Variants in ITIH4 observed in about 807,000 individuals in gnomAD.
The protein encoded by ITIH4 is inter-alpha-trypsin inhibitor heavy chain 4.
In ITIH4, 79 loss-of-function variants were observed where a neutral mutation model predicts 111.8. The observed-to-expected ratio is 0.71, with a 90% CI of 0.59 to 0.85. ITIH4 has a LOEUF of 0.85. Ranked by LOEUF, ITIH4 falls within the 40% of genes least tolerant of loss-of-function variation. The pLI is 0.00. For missense variants in ITIH4, 1,065 were observed against 1,195.8 expected, an observed-to-expected ratio of 0.89 and a Z score of 1.61; for synonymous variants, 472 against 468.3, an observed-to-expected ratio of 1.01 and a Z score of -0.10.
chr3:52,815,979 C>T (rs1460805547), intron 21 of ITIH4, among the ~76,000 whole-genome samples: 2 of 152,218 alleles, frequency 1.3e-5, no homozygotes, highest in Non-Finnish European at 2.9e-5. Flanking sequence ...AGCCACCACA[C>T]CGGGCGTAGA....
At position 52,821,103 on chromosome 3, in the gene ITIH4, C is replaced by T. The variant is rs1314794167; in HGVS notation, c.1567G>A (p.Glu523Lys). The change falls in exon 12 of 24, where the codon GAG becomes AAG. Residue 523 changes from glutamate (E) to lysine (K), a missense_variant. Coordinates refer to ENST00000266041, the MANE Select transcript of ITIH4 (RefSeq NM_002218.5). ...GCCTCCTGCTCTGCCACACTGGACT[C>T]CGTTTGGAAAGTGATGTTCTGTGTA... is the stretch of plus-strand genomic sequence containing the variant. ...LPTQNITFQT[E>K]SSVAEQEAEF... is the part of the protein sequence containing the mutation. 6.2e-7 allele frequency: 1 copy of T among 1,613,642 alleles called. No individual in the cohort carries two copies. Among genetic ancestry groups the T allele is most frequent in the African/African-American group, 1.3e-5 (1 of 74,926 alleles).
At chr3:52,830,220 G>GTAT (rs1176252122) in intron 1 of ITIH4, 4 of 396,514 alleles carry the variant, frequency 1.0e-5, no homozygotes, top group East Asian at 1.3e-4. Flanking sequence ...ATAGGTTCTA[G>GTAT]TATTACCCTG....
At chr3:52,815,897 G>T (rs1412375535) in intron 21 of ITIH4, among the ~76,000 whole-genome samples, 1 of 152,020 alleles carries the variant, frequency 6.6e-6, no homozygotes, top group Non-Finnish European at 1.5e-5. Context: ...TGTTGGCCAG[G>T]CTAGTCTCAA....
intron 20 of ITIH4, among the ~76,000 whole-genome samples, chr3:52,817,521 G>T (rs1700298005): frequency 6.6e-6 from 1 of 152,192 alleles, no homozygotes; most frequent in Admixed American, 6.5e-5. Context: ...GAGCGGGGCT[G>T]GGCGGTGCGG....
chr3:52,821,271 G>T, intron 11 of ITIH4, 141 bp from the exon 12 acceptor site: 3 of 997,040 alleles, frequency 3.0e-6, no homozygotes, highest in Non-Finnish European at 4.4e-6. Context: ...TTTGAGTGGG[G>T]GTAAGGAGGG....
chr3:52,828,539 G>A (rs1700519678), intron 2 of ITIH4, among the ~76,000 whole-genome samples: 1 of 152,170 alleles, frequency 6.6e-6, no homozygotes, highest in Non-Finnish European at 1.5e-5. Flanking sequence ...GCGGCATCCT[G>A]GTGCATTTAG....
At position 52,826,572 on chromosome 3, in the gene ITIH4, T is replaced by A. The variant is rs1443620184; in HGVS notation, c.599A>T (p.Asp200Val). The change falls in exon 5 of 24, where the codon GAC becomes GTC. Residue 200 changes from aspartate (D) to valine (V), a missense_variant. Coordinates refer to ENST00000266041, the MANE Select transcript of ITIH4 (RefSeq NM_002218.5). ...ESTFMTNQLV[D>V]ALTTWQNKTK... Reference sequence around the variant, plus strand: ...CTTATTCTGCCAGGTGGTGAGGGCGTCTACCAGCTGGTTGGTCATGAAGGT... The same window carrying A: ...CTTATTCTGCCAGGTGGTGAGGGCGACTACCAGCTGGTTGGTCATGAAGGT... 7 of 1,613,914 alleles carry A rather than the reference T, an allele frequency of 4.3e-6. No homozygotes were observed. The highest frequency in any genetic ancestry group is 5.9e-6 in the Non-Finnish European group (7 of 1,179,962).
chr3:52,815,629 C>T (rs977543036), intron 21 of ITIH4, among the ~76,000 whole-genome samples: 18 of 151,900 alleles, frequency 1.2e-4, no homozygotes, highest in Admixed American at 1.2e-3. Context: ...ATTTCATTTT[C>T]TAGGCATAAA....
At chr3:52,815,835 G>T (rs1005135835) in intron 21 of ITIH4, among the ~76,000 whole-genome samples, 1 of 151,738 alleles carries the variant, frequency 6.6e-6, no homozygotes. Context: ...ACAGGTGCCC[G>T]CCACCATACC....
At chr3:52,825,008 T>G in intron 6 of ITIH4, 50 bp from the exon 7 acceptor site, 1 of 1,292,750 alleles carries the variant, frequency 7.7e-7, no homozygotes, top group Non-Finnish European at 1.1e-6. Context: ...CAATTGGCCC[T>G]ATCCCCATTC....
At chr3:52,830,256 T>C (rs1553626408) in intron 1 of ITIH4, 2 of 447,014 alleles carry the variant, frequency 4.5e-6, no homozygotes, top group Non-Finnish European at 8.6e-6. Context: ...AATTGAGACA[T>C]AGTCAGCATA....
intron 20 of ITIH4, 100 bp downstream of exon 20, chr3:52,817,952 C>A: frequency 2.2e-6 from 2 of 892,642 alleles, no homozygotes; most frequent in South Asian, 1.4e-5. Context: ...CTGGGAGGGG[C>A]CTGTGTGGGG....
In ITIH4 at chr3:52,824,388, G is replaced by A. The variant is rs368779767; in HGVS notation, c.1045+9C>T. The stretch of plus-strand genomic sequence containing the variant: ...AGCCCCCACCCTGCAGGGCCACAGA[G>A]ACACTTACCTCCCAGGGCCTGGATG... On this transcript the variant is annotated intron_variant, in intron 8 of 23. Coordinates refer to ENST00000266041, the MANE Select transcript of ITIH4 (RefSeq NM_002218.5). The surrounding 1 kb of genome is among the most constrained non-coding windows in gnomAD (Gnocchi z 4.3). The A allele has an allele frequency of 3.1e-6, 5 of 1,613,888 alleles. No homozygotes were observed. The highest frequency in any genetic ancestry group is 1.6e-4 in the Middle Eastern group (1 of 6,062).
intron 1 of ITIH4, chr3:52,830,220 G>C (rs982820364): frequency 1.0e-5 from 4 of 396,396 alleles, no homozygotes; most frequent in Middle Eastern, 3.6e-4. Context: ...ATAGGTTCTA[G>C]TATTACCCTG....
At position 52,824,865 on chromosome 3, in the gene ITIH4, T is replaced by C. The variant is rs749659473; in HGVS notation, c.853A>G (p.Met285Val). The C allele has an allele frequency of 6.2e-7, 1 of 1,613,936 alleles. No homozygotes were observed. Among genetic ancestry groups the C allele is most frequent in the Non-Finnish European group, 8.5e-7 (1 of 1,179,884 alleles). The change falls in exon 7 of 24, where the codon ATG (methionine) becomes GTG (valine). Residue 285 changes from methionine (M) to valine (V), a missense_variant. Physicochemically the swap from Met to Val is conservative, Grantham distance 21 (BLOSUM62 1). Transcript: ENST00000266041. The surrounding 1 kb of genome is among the most constrained non-coding windows in gnomAD (Gnocchi z 4.3). ...ACCTGCTGGATTTTCCTGCCACTCA[T>C]GGAGCCGCTCTTGTCAATGACAAAG... The part of the protein sequence containing the change: ...VVFVIDKSGS[M>V]SGRKIQQTRE...
intron 2 of ITIH4, among the ~76,000 whole-genome samples, chr3:52,827,812 A>G (rs770289545): frequency 1.6e-4 from 25 of 152,080 alleles, no homozygotes; most frequent in Admixed American, 7.2e-4. Context: ...GTGTGGACAC[A>G]CTCCTAGCAG....
At chr3:52,825,642 A>C (rs927550156) in intron 6 of ITIH4, among the ~76,000 whole-genome samples, 4 of 152,224 alleles carry the variant, frequency 2.6e-5, no homozygotes, top group African/African-American at 7.2e-5. Context: ...TGAGCCTCCC[A>C]GCAGCAGAGG....
At chr3:52,819,695 T>C in intron 16 of ITIH4, 59 bp downstream of exon 16, 1 of 1,591,938 alleles carries the variant, frequency 6.3e-7, no homozygotes, top group South Asian at 1.1e-5. Flanking sequence ...ATAATGGACC[T>C]CCCTCAAGCT....
chr3:52,813,456 C>T lies in ITIH4; in HGVS notation c.2758G>A (p.Gly920Arg). The T allele has an allele frequency of 6.2e-7, 1 of 1,614,118 alleles. No homozygotes were observed. The highest frequency in any genetic ancestry group is 8.5e-7 in the Non-Finnish European group (1 of 1,180,000). ...RRLDYQEGPP[G>R]VEISCWSVEL ...ACAGACCAGCAGGAAATCTCCACTC[C>T]CGGGGGCCCCTCCTGGTAATCCAGC... Residue 920 changes from glycine to arginine, a missense_variant, in exon 24 of 24, where the codon GGA (glycine) becomes AGA (arginine). Physicochemically the swap from Gly to Arg is moderately radical, Grantham distance 125 (BLOSUM62 -2). Transcript: ENST00000266041.
Sources: allele counts gnomAD v4.1 joint callset (sites outside exome capture counted in the v4.1 genomes callset), GRCh38; gene constraint gnomAD v4.1.1; non-coding constraint Gnocchi (gnomAD v3.1); transcripts MANE v1.5; gene names NCBI Gene and HGNC (gene_info 2026-07-23, HGNC 2026-07-21).